The following SAXO1 variants were observed in gnomAD, a reference collection of about 807,000 sequenced individuals.
SAXO1 encodes 4930500O09Rik.
A neutral mutation model predicts 17.5 loss-of-function variants in SAXO1; 21 were observed. The ratio of observed to expected loss-of-function variants is 1.20; its 90% CI spans 0.85 to 1.72. The LOEUF is 1.72. Ranked by LOEUF, SAXO1 falls within the 40% of genes most tolerant of loss-of-function variation. SAXO1 has a pLI of 0.00. For synonymous variants in SAXO1, 274 were observed against 216.5 expected, an observed-to-expected ratio of 1.27 and a Z score of -2.33; for missense variants, 843 against 596.0, an observed-to-expected ratio of 1.41 and a Z score of -4.32.
At chr9:19,021,298 C>G (rs1261944207) in intron 1 of SAXO1, among the ~76,000 whole-genome samples, 1 of 152,184 alleles carries the variant, frequency 6.6e-6, no homozygotes, top group Non-Finnish European at 1.5e-5. Context: ...CAGAGGAAGT[C>G]AGAGTACCCA....
At chr9:19,014,579 A>T (rs1047483461) in intron 1 of SAXO1, among the ~76,000 whole-genome samples, 1 of 152,136 alleles carries the variant, frequency 6.6e-6, no homozygotes. Flanking sequence ...CTAGCCCCAG[A>T]TAGAGGAGTG....
intron 1 of SAXO1, among the ~76,000 whole-genome samples, chr9:19,017,359 G>A (rs1835021695): frequency 6.6e-6 from 1 of 152,042 alleles, no homozygotes; most frequent in African/African-American, 2.4e-5. Context: ...TAACAAACCT[G>A]TACACATACC....
intron 1 of SAXO1, among the ~76,000 whole-genome samples, chr9:18,963,218 G>T (rs1013938221): frequency 1.3e-5 from 2 of 152,184 alleles, no homozygotes; most frequent in Non-Finnish European, 1.5e-5. Flanking sequence ...AGTATAGTTT[G>T]AAGTCAGGCA....
intron 1 of SAXO1, among the ~76,000 whole-genome samples, chr9:18,986,758 T>C (rs1318522031): frequency 6.6e-6 from 1 of 152,260 alleles, no homozygotes; most frequent in Non-Finnish European, 1.5e-5. Context: ...GCAGGTTGCA[T>C]ACTGCACAAG....
Position 19,024,073 on chromosome 9 carries a change from T to C in SAXO1, c.38+8798A>G, listed in dbSNP as rs184936667. The stretch of plus-strand genomic sequence containing the variant: ...GGAAAAGACTATTTATCTATGTTAC[T>C]CTCCAGCTCAAAATCCATCCATGGC... On this transcript the variant is annotated intron_variant, in intron 1 of 3. Coordinates refer to ENST00000380534, the MANE Select transcript of SAXO1 (RefSeq NM_153707.4). Among the ~76,000 whole-genome samples the C allele has an allele frequency of 1.0e-4, 14 of 136,670 alleles. No individual in the cohort carries two copies. The East Asian group carries it at 3.3e-3, about 32-fold the overall frequency. 89.7% of individuals were successfully genotyped at this position (136,670 alleles called of 152,430 possible).
intron 1 of SAXO1, among the ~76,000 whole-genome samples, chr9:19,043,681 T>C (rs149287403): frequency 3.3e-5 from 5 of 151,960 alleles, no homozygotes; most frequent in African/African-American, 9.7e-5. Context: ...TGTGGGAGGA[T>C]TGCTTGAGCC....
chr9:18,927,854 G>A lies in SAXO1; in HGVS notation c.*198C>T, dbSNP rs1306372289. 5.3e-6 allele frequency: 3 copies of A among 563,244 alleles called. No homozygotes were observed. The highest frequency in any genetic ancestry group is 1.9e-5 in the African/African-American group (1 of 53,264). 34.9% of individuals were successfully genotyped at this position (563,244 alleles called of 1,614,324 possible). On this transcript the variant is annotated 3_prime_UTR_variant, in exon 4 of 4. Coordinates refer to ENST00000380534, the MANE Select transcript of SAXO1 (RefSeq NM_153707.4). Reference sequence around the variant, plus strand: ...GATGCAGTAAAGGAGAAGGTAAGGGGAGTTAATTAGCCGGTGATTAAATGT... The same window carrying A: ...GATGCAGTAAAGGAGAAGGTAAGGGAAGTTAATTAGCCGGTGATTAAATGT...
rs540071709 is a variant in SAXO1 at position 18,966,875 on chromosome 9, T to C, written c.39-15938A>G. Among the ~76,000 whole-genome samples, 9 of 152,352 alleles carry C rather than the reference T, an allele frequency of 5.9e-5. No homozygotes were observed. The South Asian group carries it at 1.5e-3, about 25-fold the overall frequency. On this transcript the variant is annotated intron_variant, in intron 1 of 3. Coordinates refer to ENST00000380534, the MANE Select transcript of SAXO1 (RefSeq NM_153707.4). ...TTGCACTGTTTCCTCCTTACCTTCGTGGATTTATCTACCTTTAATCTTTGA... is the reference window on the plus strand; with the variant it reads ...TTGCACTGTTTCCTCCTTACCTTCGCGGATTTATCTACCTTTAATCTTTGA...
intron 1 of SAXO1, among the ~76,000 whole-genome samples, chr9:19,031,316 C>A (rs534205962): frequency 6.6e-6 from 1 of 152,208 alleles, no homozygotes; most frequent in Non-Finnish European, 1.5e-5. Flanking sequence ...AATCCCAGCA[C>A]TTTGGGAGGC....
At chr9:18,984,094 GTAA>G (rs1489802857) in intron 1 of SAXO1, among the ~76,000 whole-genome samples, 2 of 152,180 alleles carry the variant, frequency 1.3e-5, no homozygotes, top group Non-Finnish European at 2.9e-5. Flanking sequence ...TCAATGAACA[GTAA>G]TATTTTAAAG....
intron 1 of SAXO1, among the ~76,000 whole-genome samples, chr9:19,032,227 T>G (rs927559429): frequency 2.0e-5 from 3 of 152,164 alleles, no homozygotes; most frequent in African/African-American, 7.2e-5. Flanking sequence ...AAGGAGCCTC[T>G]AAGAGATCAT....
intron 1 of SAXO1, among the ~76,000 whole-genome samples, chr9:19,021,493 G>T (rs1835230855): frequency 6.6e-6 from 1 of 152,208 alleles, no homozygotes; most frequent in African/African-American, 2.4e-5. Flanking sequence ...GACCTCTGCA[G>T]ACACCTTCTG....
At chr9:18,987,603 G>C (rs757469040) in intron 1 of SAXO1, among the ~76,000 whole-genome samples, 4 of 152,202 alleles carry the variant, frequency 2.6e-5, no homozygotes, top group Admixed American at 1.3e-4. Flanking sequence ...GCAAAAACTC[G>C]ATTCTCTTCC....
intron 3 of SAXO1, among the ~76,000 whole-genome samples, chr9:18,940,927 G>A (rs1371019365): frequency 6.6e-6 from 1 of 152,166 alleles, no homozygotes. Context: ...CTAATTTAAA[G>A]TATTAAAGGT....
chr9:18,949,926 G>C (rs1831962044), intron 2 of SAXO1, among the ~76,000 whole-genome samples: 1 of 152,154 alleles, frequency 6.6e-6, no homozygotes, highest in African/African-American at 2.4e-5. Context: ...AACCGGGAAG[G>C]CAGAGAACAC....
At chr9:18,954,128 T>G (rs1036575584) in intron 1 of SAXO1, among the ~76,000 whole-genome samples, 6 of 152,118 alleles carry the variant, frequency 3.9e-5, no homozygotes, top group Non-Finnish European at 8.8e-5. Context: ...AGAGGAGGTT[T>G]CTTTAGCCTA....
intron 1 of SAXO1, among the ~76,000 whole-genome samples, chr9:19,008,647 T>C (rs958674753): frequency 6.6e-6 from 1 of 152,200 alleles, no homozygotes; most frequent in Non-Finnish European, 1.5e-5. Flanking sequence ...CAAATAACTG[T>C]GCCAGCTGTA....
intron 1 of SAXO1, among the ~76,000 whole-genome samples, chr9:18,982,138 C>T (rs1343314073): frequency 6.6e-6 from 1 of 152,182 alleles, no homozygotes; most frequent in African/African-American, 2.4e-5. Flanking sequence ...GAACTCAGAG[C>T]CCCTCCACCC....
chr9:18,944,799 T>C (rs1269301093), intron 2 of SAXO1, among the ~76,000 whole-genome samples: 1 of 152,226 alleles, frequency 6.6e-6, no homozygotes, highest in Non-Finnish European at 1.5e-5. Context: ...GTCCTGAGCC[T>C]GGCAGTGGGA....
Sources: gnomAD v4.1 joint callset for allele counts (sites outside exome capture counted in the v4.1 genomes callset) on GRCh38, gnomAD v4.1.1 for gene constraint, MANE v1.5 for transcripts, NCBI Gene and HGNC (gene_info 2026-07-23, HGNC 2026-07-21) for gene names.